Variants in DDX42 observed in about 807,000 individuals in gnomAD.
DDX42 encodes DEAD-box helicase 42.
Under a neutral mutation model 101.5 loss-of-function variants are expected in DDX42, and 22 were observed. The observed-to-expected ratio is 0.22, with a 90% CI of 0.15 to 0.31. The LOEUF (loss-of-function observed/expected upper bound fraction) is 0.31. Among genes scored for constraint, DDX42 ranks in the 10% least tolerant of loss-of-function variants. The pLI is 1.00. For synonymous variants in DDX42, 402 were observed against 401.2 expected (o/e 1.00, Z -0.02); for missense variants, 849 against 1,199.9 (o/e 0.71, Z 4.32).
rs1481173645 is a variant in DDX42, at chr17:63,807,849, T to A, written c.972T>A (p.Gly324=). ...HIMDQKELEP[G]DGPIAVIVCP... is the part of the protein sequence containing the mutation. ...TGGACCAGAAGGAGTTGGAACCAGG[T>A]GATGGACCAATTGCAGTGATTGTGT... The change falls in exon 9 of 18, where the codon GGT becomes GGA. Residue 324 remains glycine, a synonymous_variant. Transcript: ENST00000389924. The A allele has an allele frequency of 6.2e-6, 10 of 1,614,116 alleles. No individual in the cohort carries two copies. Among genetic ancestry groups the A allele is most frequent in the African/African-American group, 1.3e-5 (1 of 75,046 alleles).
At chr17:63,814,410 C>A (rs1662388373) in intron 15 of DDX42, among the ~76,000 whole-genome samples, 1 of 152,264 alleles carries the variant, frequency 6.6e-6, no homozygotes, top group Admixed American at 6.5e-5. Context: ...GCCCAAGTTT[C>A]TGGTCCTAGG....
intron 1 of DDX42, chr17:63,774,807 G>A (rs548873591): frequency 3.3e-5 from 5 of 152,326 alleles, no homozygotes; most frequent in Non-Finnish European, 7.3e-5. Flanking sequence ...AAAGATATAG[G>A]CGATGATCTT....
At chr17:63,777,090 G>T (rs2039430154) in intron 1 of DDX42, among the ~76,000 whole-genome samples, 1 of 151,072 alleles carries the variant, frequency 6.6e-6, no homozygotes, top group South Asian at 2.1e-4. Context: ...AAATTTTTTT[G>T]TAAAGACAGG....
intron 12 of DDX42, 52 bp downstream of exon 12, chr17:63,810,612 A>G (rs747010406): frequency 1.3e-6 from 2 of 1,540,708 alleles, no homozygotes; most frequent in Non-Finnish European, 1.8e-6. Context: ...AAGGGCACTT[A>G]TTTATTTTAT....
chr17:63,812,337 A>G, intron 14 of DDX42, 129 bp downstream of exon 14: 1 of 1,186,118 alleles, frequency 8.4e-7, no homozygotes, highest in Non-Finnish European at 1.2e-6. Flanking sequence ...ATCCCCTCCC[A>G]AACCCCCAAG....
At chr17:63,816,812 A>G (rs2144593633) in intron 16 of DDX42, 56 bp from the exon 17 acceptor site, 1 of 1,439,992 alleles carries the variant, frequency 6.9e-7, no homozygotes, top group Non-Finnish European at 9.6e-7. Context: ...CCTAGTCTAT[A>G]GCAGTGAGCT....
chr17:63,799,486 G>A (rs764739189), intron 4 of DDX42, 103 bp from the exon 5 acceptor site: 1 of 1,240,308 alleles, frequency 8.1e-7, no homozygotes, highest in Non-Finnish European at 1.2e-6. Flanking sequence ...TTAGTGTTGA[G>A]AGTTCCTGTG....
In DDX42 at chr17:63,818,464, T is replaced by C; in HGVS notation, c.*66T>C. 6.7e-7 allele frequency: 1 copy of C among 1,487,572 alleles called. No individual in the cohort carries two copies. Among genetic ancestry groups the C allele is most frequent in the South Asian group, 1.3e-5 (1 of 77,122 alleles). The allele number at this position is 1,487,572 out of a possible 1,614,324, so 92.1% of individuals were successfully genotyped here. On this transcript the variant is annotated 3_prime_UTR_variant, in exon 18 of 18. Transcript: ENST00000389924. ...TTAGAAAGATTTTGGTAACTAGGTG[T>C]CTCAGGGCTGGGTTGGGGTCCAAAG... is the stretch of plus-strand genomic sequence containing the variant.
Position 63,817,889 on chromosome 17 carries a change from G to A in DDX42, c.2308G>A (p.Gly770Ser), listed in dbSNP as rs2039996280. The part of the protein sequence containing the change: ...AKGIPGFGNT[G>S]NISGAPVTYP... ...GGGCATCCCAGGCTTTGGCAATACT[G>A]GCAACATCAGTGGTGCCCCTGTGAC... The change falls in exon 18 of 18, where the codon GGC (glycine) becomes AGC (serine). Residue 770 changes from glycine (G) to serine (S), a missense_variant. This residue lies in a region of DDX42 where 300 missense variants were observed against 304.9 expected (regional missense o/e 0.98). Transcript: ENST00000389924. 6 of 1,614,080 alleles carry A rather than the reference G, an allele frequency of 3.7e-6. No individual in the cohort carries two copies.
chr17:63,799,469 G>A (rs2039735535), intron 4 of DDX42, 120 bp from the exon 5 acceptor site: 1 of 1,044,410 alleles, frequency 9.6e-7, no homozygotes, highest in East Asian at 2.4e-5. Context: ...TTGCTGCTTT[G>A]TTATTATTAG....
intron 11 of DDX42, chr17:63,810,251 A>ATTTTTTTTTTTTTTTTTTTT (rs11450730): frequency 8.3e-6 from 1 of 120,910 alleles, no homozygotes; most frequent in Non-Finnish European, 1.6e-5. Flanking sequence ...CAGCCTGGCT[A>ATTTTTTTTTTTTTTTTTTTT]TTTTTTTTTT....
chr17:63,779,479 A>AC (rs2039460264), intron 1 of DDX42, among the ~76,000 whole-genome samples: 1 of 152,060 alleles, frequency 6.6e-6, no homozygotes, highest in Non-Finnish European at 1.5e-5. Context: ...GTCCAGGCTG[A>AC]CCTCTAACTC....
Position 63,812,001 on chromosome 17 carries a change from C to A in DDX42, c.1468C>A (p.Arg490=). Residue 490 remains arginine, a synonymous_variant, in exon 14 of 18, where the codon CGG becomes AGG. Transcript: ENST00000389924. ...SGPSKWNWLT[R]RLVEFTSSGS... ...ACCTAGTAAATGGAACTGGCTTACC[C>A]GGCGTCTGGTAGAATTTACCTCTTC... 16 of 1,614,166 alleles carry A rather than the reference C, an allele frequency of 9.9e-6. No individual in the cohort carries two copies. Among genetic ancestry groups the A allele is most frequent in the African/African-American group, 1.3e-5 (1 of 75,038 alleles).
chr17:63,786,272 A>G (rs778883497), intron 1 of DDX42, among the ~76,000 whole-genome samples: 2 of 152,160 alleles, frequency 1.3e-5, no homozygotes, highest in Admixed American at 1.3e-4. Flanking sequence ...GGATTTCACT[A>G]TGTTGCCCAG....
At chr17:63,786,282 G>A (rs1306288695) in intron 1 of DDX42, among the ~76,000 whole-genome samples, 1 of 152,134 alleles carries the variant, frequency 6.6e-6, no homozygotes, top group Non-Finnish European at 1.5e-5. Context: ...ATGTTGCCCA[G>A]GCTGGAATAC....
rs1023976886 is a variant in DDX42 at position 63,774,234 on chromosome 17, TGGTGGTGGTGGC to T, written c.-156_-145del. ...GCGGTGGTGGCGGTGGCGGCGGCGG[TGGTGGTGGTGGC>T]GGCGGCGGCGGCGAAGGGGGCGGAG... On this transcript the variant is annotated 5_prime_UTR_variant, in exon 1 of 18. Transcript: ENST00000389924. 0.18 allele frequency: 44,525 copies of T among 252,822 alleles called. 5,958 individuals carry two copies. The highest frequency in any genetic ancestry group is 0.44 in the African/African-American group (12,198 of 27,512). 15.7% of individuals were successfully genotyped at this position (252,822 alleles called of 1,614,324 possible).
chr17:63,775,521 C>T (rs2039410044), intron 1 of DDX42, among the ~76,000 whole-genome samples: 1 of 152,032 alleles, frequency 6.6e-6, no homozygotes. Context: ...ATAAAGTGGT[C>T]AGGGAAGTCC....
intron 1 of DDX42, chr17:63,775,172 A>G (rs1384689648): frequency 1.3e-5 from 2 of 152,672 alleles, no homozygotes; most frequent in Non-Finnish European, 2.9e-5. Context: ...TTTCTGGCAC[A>G]TAAGAGGTGA....
In DDX42 at chr17:63,817,705, G is replaced by A. The variant is rs2039993583; in HGVS notation, c.2124G>A (p.Lys708=). 3.1e-6 allele frequency: 5 copies of A among 1,614,038 alleles called. No individual in the cohort carries two copies. The East Asian group carries it at 1.1e-4, about 36-fold the overall frequency. Residue 708 remains lysine (K), a synonymous_variant, in exon 18 of 18, where the codon AAG becomes AAA. Coordinates refer to ENST00000389924, the MANE Select transcript of DDX42 (RefSeq NM_203499.3). ...AMKAAFQSQY[K]SHFVAASLSN... is the part of the protein sequence containing the mutation. ...TCTTTCTCTTTCAGTCACAGTACAA[G>A]AGTCACTTTGTTGCAGCCAGTTTAA...
Sources: allele counts gnomAD v4.1 joint callset (sites outside exome capture counted in the v4.1 genomes callset), GRCh38; gene constraint gnomAD v4.1.1; regional missense constraint gnomAD v4.1.1; transcripts MANE v1.5; gene names NCBI Gene and HGNC (gene_info 2026-07-23, HGNC 2026-07-21).